The following NFATC2 variants were observed in gnomAD, a reference collection of about 807,000 sequenced individuals.
The protein encoded by NFATC2 is nuclear factor of activated T-cells, cytoplasmic 2.
In NFATC2, 22 loss-of-function variants were observed where a neutral mutation model predicts 87.3. The observed-to-expected ratio is 0.25, with a 90% CI of 0.18 to 0.36. The LOEUF is 0.36. Ranked by LOEUF, NFATC2 falls within the 10% of genes least tolerant of loss-of-function variation. The pLI, the probability that NFATC2 is intolerant of heterozygous loss-of-function variation, is 1.00. For synonymous variants in NFATC2, 565 were observed against 542.2 expected, an observed-to-expected ratio of 1.04 and a Z score of -0.58; for missense variants, 1,149 against 1,259.1, an observed-to-expected ratio of 0.91 and a Z score of 1.32.
intron 3 of NFATC2, among the ~76,000 whole-genome samples, chr20:51,505,965 C>G (rs2076172193): frequency 6.6e-6 from 1 of 152,166 alleles, no homozygotes; most frequent in Non-Finnish European, 1.5e-5. Flanking sequence ...ATGAGCATAT[C>G]TTGAGCTCTC....
intron 6 of NFATC2, among the ~76,000 whole-genome samples, chr20:51,446,644 T>A (rs1009848169): frequency 1.3e-5 from 2 of 152,252 alleles, no homozygotes; most frequent in Non-Finnish European, 2.9e-5. Flanking sequence ...GCAGGATTCT[T>A]GGACTTAAAA....
At chr20:51,461,311 C>A (rs1283086411) in intron 5 of NFATC2, among the ~76,000 whole-genome samples, 1 of 152,206 alleles carries the variant, frequency 6.6e-6, no homozygotes, top group Non-Finnish European at 1.5e-5. Context: ...AGACTGCAGA[C>A]AATCCAAACC....
At position 51,523,390 on chromosome 20, in the gene NFATC2, G is replaced by A. The variant is rs374882031; in HGVS notation, c.851C>T (p.Ala284Val). The change falls in exon 2 of 11, where the codon GCA (alanine) becomes GTA (valine). Residue 284 changes from alanine (A) to valine (V), a missense_variant. By Grantham distance (64) the Ala-to-Val change is moderately conservative. Transcript: ENST00000371564. The surrounding 1 kb of genome is among the most constrained non-coding windows in gnomAD (Gnocchi z 6.9). ...SPSPQPSSHV[A>V]PQDHGSPAGY... The stretch of plus-strand genomic sequence containing the variant: ...AGCCGGGGAGCCGTGGTCCTGGGGT[G>A]CCACGTGAGATGAGGGCTGCGGCGA... 14 of 1,610,358 alleles carry A rather than the reference G, an allele frequency of 8.7e-6. No individual in the cohort carries two copies. Among genetic ancestry groups the A allele is most frequent in the East Asian group, 6.7e-5 (3 of 44,774 alleles).
At chr20:51,514,847 T>C (rs535546987) in intron 3 of NFATC2, among the ~76,000 whole-genome samples, 10 of 152,298 alleles carry the variant, frequency 6.6e-5, no homozygotes, top group African/African-American at 2.4e-4. Flanking sequence ...CACTCCAGCC[T>C]GTGTGACAGA....
upstream of NFATC2, among the ~76,000 whole-genome samples, chr20:51,547,177 G>A (rs1430601737): frequency 6.6e-6 from 1 of 152,150 alleles, no homozygotes; most frequent in Non-Finnish European, 1.5e-5. Flanking sequence ...GGCAAGGGTT[G>A]AAGCCGGAGG....
intron 1 of NFATC2, among the ~76,000 whole-genome samples, chr20:51,532,254 T>C (rs1348114630): frequency 6.6e-6 from 1 of 152,092 alleles, no homozygotes; most frequent in African/African-American, 2.4e-5. Context: ...GGTGAGTAAT[T>C]TGCCCAAGGT....
At chr20:51,443,621 G>T (rs1252001523) in intron 6 of NFATC2, among the ~76,000 whole-genome samples, 4 of 152,180 alleles carry the variant, frequency 2.6e-5, no homozygotes, top group African/African-American at 9.7e-5. Flanking sequence ...TTGACCAGAA[G>T]TTCCGTATAA....
chr20:51,548,450 A>G (rs1392125925), intron 1 of NFATC2, among the ~76,000 whole-genome samples: 5 of 152,128 alleles, frequency 3.3e-5, no homozygotes, highest in Non-Finnish European at 7.3e-5. Flanking sequence ...AAGGGCAGGG[A>G]TATTTGTCTG....
intron 1 of NFATC2, among the ~76,000 whole-genome samples, chr20:51,551,738 T>C (rs2076934638): frequency 6.6e-6 from 1 of 151,524 alleles, no homozygotes; most frequent in African/African-American, 2.4e-5. Context: ...TTTAAAAATA[T>C]TATATTAGGT....
intron 6 of NFATC2, among the ~76,000 whole-genome samples, chr20:51,447,763 T>G: frequency 6.6e-6 from 1 of 152,220 alleles, no homozygotes. Flanking sequence ...AACATCCAAA[T>G]GGCTTTTCAG....
At chr20:51,444,249 TG>T (rs1984755939) in intron 6 of NFATC2, among the ~76,000 whole-genome samples, 2 of 152,080 alleles carry the variant, frequency 1.3e-5, no homozygotes, top group South Asian at 4.1e-4. Flanking sequence ...CCCAAAGTGC[TG>T]GGATTACAGG....
At chr20:51,417,126 T>C (rs1054352253) in intron 9 of NFATC2, among the ~76,000 whole-genome samples, 1 of 152,126 alleles carries the variant, frequency 6.6e-6, no homozygotes, top group Non-Finnish European at 1.5e-5. Flanking sequence ...CTTTGTAACC[T>C]CAGACAAATC....
chr20:51,410,558 AAG>A (rs1491168255), intron 9 of NFATC2, among the ~76,000 whole-genome samples: 9 of 145,444 alleles, frequency 6.2e-5, no homozygotes, highest in African/African-American at 2.2e-4. Flanking sequence ...GAGGGAGAGA[AAG>A]AGGGAGAGAA....
At chr20:51,445,936 C>T (rs993560643) in intron 6 of NFATC2, among the ~76,000 whole-genome samples, 4 of 152,210 alleles carry the variant, frequency 2.6e-5, no homozygotes, top group African/African-American at 7.2e-5. Flanking sequence ...CCACCCTAGA[C>T]GTGACTCTTC....
At chr20:51,522,999 A>T in intron 2 of NFATC2, 82 bp downstream of exon 2, 2 of 1,569,358 alleles carry the variant, frequency 1.3e-6, no homozygotes, top group Non-Finnish European at 1.7e-6. Context: ...CTTAAACCTG[A>T]CTCTGAATCC....
At chr20:51,551,840 A>T (rs950161605) in intron 1 of NFATC2, among the ~76,000 whole-genome samples, 1 of 151,722 alleles carries the variant, frequency 6.6e-6, no homozygotes, top group African/African-American at 2.4e-5. Context: ...ATCCTGGCTA[A>T]CATGGTGAAA....
At chr20:51,485,329 C>T (rs1338931499) in intron 3 of NFATC2, among the ~76,000 whole-genome samples, 2 of 152,180 alleles carry the variant, frequency 1.3e-5, no homozygotes, top group Non-Finnish European at 2.9e-5. Flanking sequence ...GAGGCATGAA[C>T]CTTCCCTTCT....
intron 10 of NFATC2, among the ~76,000 whole-genome samples, chr20:51,396,129 C>T (rs1226242696): frequency 1.4e-5 from 2 of 144,862 alleles, no homozygotes; most frequent in Non-Finnish European, 3.0e-5. Context: ...AGGGTGTTCT[C>T]TTTGCCTGCT....
intron 2 of NFATC2, among the ~76,000 whole-genome samples, chr20:51,520,865 G>C (rs958316385): frequency 6.6e-6 from 1 of 151,778 alleles, no homozygotes; most frequent in Admixed American, 6.6e-5. Flanking sequence ...TCTCCATGTC[G>C]GTCAGGCTGG....
Sources: gnomAD v4.1 joint callset for allele counts (sites outside exome capture counted in the v4.1 genomes callset) on GRCh38, gnomAD v4.1.1 for gene constraint, Gnocchi (gnomAD v3.1) non-coding constraint, MANE v1.5 for transcripts, NCBI Gene and HGNC (gene_info 2026-07-23, HGNC 2026-07-21) for gene names.